The following ATRN variants were observed in gnomAD, a reference collection of about 807,000 sequenced individuals.
ATRN encodes the protein attractin, also known as attractin-2.
Under a neutral mutation model 178.7 loss-of-function variants are expected in ATRN, and 54 were observed. That is an observed-to-expected ratio of 0.30 (90% CI 0.24 to 0.38). ATRN has a LOEUF of 0.38. ATRN is among the 10% of genes least tolerant of loss of function. ATRN has a pLI of 1.00. For missense variants in ATRN, 1,443 were observed against 1,815.1 expected (o/e 0.79, Z 3.73); for synonymous variants, 636 against 663.0 (o/e 0.96, Z 0.63).
Position 3,497,921 on chromosome 20 carries a change from A to G in ATRN, c.410+26404A>G, listed in dbSNP as rs147823119. Among the ~76,000 whole-genome samples, 384 of 152,216 alleles carry G rather than the reference A, an allele frequency of 2.5e-3. 1 individual carries two copies. Among genetic ancestry groups the G allele is most frequent in the Middle Eastern group, 0.01 (3 of 294 alleles). On this transcript the variant is annotated intron_variant, in intron 1 of 28. Coordinates refer to ENST00000262919, the MANE Select transcript of ATRN (RefSeq NM_139321.3). ...CTTCATTTCATTCATTTCATCAACAAAATTGATAAACTGCTAGCAAGACTA... is the reference window on the plus strand; with the variant it reads ...CTTCATTTCATTCATTTCATCAACAGAATTGATAAACTGCTAGCAAGACTA...
chr20:3,619,623 A>G (rs1174722148), intron 24 of ATRN, among the ~76,000 whole-genome samples: 3 of 152,254 alleles, frequency 2.0e-5, no homozygotes, highest in East Asian at 3.8e-4. Context: ...GTTATGTGGT[A>G]GTGGAATATA....
chr20:3,537,080 T>A (rs1412584051), intron 2 of ATRN, among the ~76,000 whole-genome samples: 1 of 152,346 alleles, frequency 6.6e-6, no homozygotes, highest in African/African-American at 2.4e-5. Context: ...ATTATGCAGA[T>A]CTTCCATATG....
At position 3,478,649 on chromosome 20, in the gene ATRN, C is replaced by T. The variant is rs548929583; in HGVS notation, c.410+7132C>T. 4.6e-5 allele frequency among the ~76,000 whole-genome samples: 7 copies of T among 152,232 alleles called. No homozygotes were observed. The South Asian group carries it at 1.0e-3, about 23-fold the overall frequency. ...TGTATGTCTGTGTAACAAATCTGCA[C>T]GTTCTGCACATATATCCCAGAACTT... On this transcript the variant is annotated intron_variant, in intron 1 of 28. Transcript: ENST00000262919.
Position 3,591,322 on chromosome 20 carries a change from C to A in ATRN, c.3322+16C>A. 1 of 1,611,020 alleles carries A rather than the reference C, an allele frequency of 6.2e-7. No homozygotes were observed. Among genetic ancestry groups the A allele is most frequent in the South Asian group, 1.1e-5 (1 of 90,642 alleles). On this transcript the variant is annotated intron_variant, in intron 19 of 28. Coordinates refer to ENST00000262919, the MANE Select transcript of ATRN (RefSeq NM_139321.3). ...AAATGTCAGCGTAAGTCAAATTGGT[C>A]AGGTTTACTCATGGCAAATCGGTGT...
intron 6 of ATRN, among the ~76,000 whole-genome samples, chr20:3,554,402 C>T (rs966173295): frequency 6.6e-6 from 1 of 151,702 alleles, no homozygotes; most frequent in South Asian, 2.1e-4. Flanking sequence ...GTGGCACAGT[C>T]TCGGCTCACT....
intron 25 of ATRN, among the ~76,000 whole-genome samples, chr20:3,633,226 C>G (rs375870589): frequency 4.6e-5 from 7 of 152,312 alleles, no homozygotes; most frequent in African/African-American, 1.7e-4. Flanking sequence ...AGTGACGATC[C>G]TGGGGGGGTT....
At chr20:3,519,660 A>G (rs151570) in intron 1 of ATRN, among the ~76,000 whole-genome samples, 25,877 of 152,200 alleles carry the variant, frequency 0.17, 2,553 homozygotes, top group Non-Finnish European at 0.22. Context: ...TGATGGGTGC[A>G]CTAAAATCTC....
At chr20:3,603,942 G>A (rs1018629314) in intron 23 of ATRN, among the ~76,000 whole-genome samples, 163 bp from the exon 24 acceptor site, 3 of 152,090 alleles carry the variant, frequency 2.0e-5, no homozygotes, top group Non-Finnish European at 4.4e-5. Flanking sequence ...TAATAATAGG[G>A]CAGCTGTGAG....
intron 24 of ATRN, among the ~76,000 whole-genome samples, chr20:3,609,825 A>C (rs1042307261): frequency 2.6e-5 from 4 of 152,152 alleles, no homozygotes; most frequent in Non-Finnish European, 5.9e-5. Context: ...TGAACCTTGA[A>C]AACATGCTAA....
intron 15 of ATRN, among the ~76,000 whole-genome samples, chr20:3,581,382 G>A (rs975874507): frequency 6.6e-6 from 1 of 152,100 alleles, no homozygotes; most frequent in Non-Finnish European, 1.5e-5. Context: ...GCAATGAGAA[G>A]GAAATTTCAG....
rs1173635604 is a variant in ATRN, at chr20:3,547,523, A to G, written c.943+34A>G. On this transcript the variant is annotated intron_variant, in intron 5 of 28. Coordinates refer to ENST00000262919, the MANE Select transcript of ATRN (RefSeq NM_139321.3). ...TTCTTTCATTTTTATTTTTTCTTCC[A>G]TTTATAGAACATTCCCACTAAATAA... The G allele has an allele frequency of 4.6e-6, 7 of 1,514,786 alleles. No individual in the cohort carries two copies. The South Asian group carries it at 4.6e-5, about 10-fold the overall frequency. The allele number at this position is 1,514,786 out of a possible 1,614,324, so 93.8% of individuals were successfully genotyped here. A position where few individuals can be genotyped will look rare whatever the true frequency, so the allele number is the denominator to read the frequency against.
chr20:3,493,042 A>T (rs1174041020), intron 1 of ATRN, among the ~76,000 whole-genome samples: 1 of 146,782 alleles, frequency 6.8e-6, no homozygotes, highest in Non-Finnish European at 1.5e-5. Flanking sequence ...TATAAAATAT[A>T]TAATTATATA....
chr20:3,637,583 A>G (rs899229169), intron 26 of ATRN, among the ~76,000 whole-genome samples: 1 of 152,218 alleles, frequency 6.6e-6, no homozygotes, highest in African/African-American at 2.4e-5. Context: ...AGTAAGGCCT[A>G]CTTGTATCCC....
intron 6 of ATRN, among the ~76,000 whole-genome samples, chr20:3,552,241 T>A (rs1351691271): frequency 2.0e-5 from 3 of 152,228 alleles, no homozygotes; most frequent in Non-Finnish European, 4.4e-5. Flanking sequence ...ACTCTTTTGG[T>A]GACCTCATAT....
chr20:3,497,316 T>G (rs2084894343), intron 1 of ATRN, among the ~76,000 whole-genome samples: 1 of 151,996 alleles, frequency 6.6e-6, no homozygotes, highest in Admixed American at 6.6e-5. Flanking sequence ...TTCCTTTCCA[T>G]GTTTAGCACT....
rs1262110165 is a variant in ATRN at position 3,632,202 on chromosome 20, A to C, written c.3864-2109A>C. Among the ~76,000 whole-genome samples, 1 of 152,048 alleles carries C rather than the reference A, an allele frequency of 6.6e-6. No homozygotes were observed. The highest frequency in any genetic ancestry group is 1.5e-5 in the Non-Finnish European group (1 of 68,002). On this transcript the variant is annotated intron_variant, in intron 25 of 28. Coordinates refer to ENST00000262919, the MANE Select transcript of ATRN (RefSeq NM_139321.3). The surrounding 1 kb of genome is among the most constrained non-coding windows in gnomAD (Gnocchi z 4.2). ...GTCCAGATTCCAAAGTGCTTTTCAC[A>C]CCTCTGCTTCCACAGCTCTGGTTTG...
chr20:3,478,918 A>ACCCTTTTT (rs2084574635), intron 1 of ATRN, among the ~76,000 whole-genome samples: 1 of 127,038 alleles, frequency 7.9e-6, no homozygotes, highest in Non-Finnish European at 1.7e-5. Context: ...TATAATTCAT[A>ACCCTTTTT]CCCTTTTTTT....
chr20:3,610,919 C>T (rs1222466869), intron 24 of ATRN, among the ~76,000 whole-genome samples: 2 of 151,602 alleles, frequency 1.3e-5, no homozygotes, highest in Non-Finnish European at 2.9e-5. Flanking sequence ...TGACAAAGGC[C>T]CTGCAAAGGC....
At chr20:3,612,555 G>A (rs1037903003) in intron 24 of ATRN, among the ~76,000 whole-genome samples, 29 of 152,218 alleles carry the variant, frequency 1.9e-4, no homozygotes, top group African/African-American at 7.0e-4. Context: ...AGCTTGCAGG[G>A]GTTTCGGTAG....
Sources: gnomAD v4.1 joint callset for allele counts (sites outside exome capture counted in the v4.1 genomes callset) on GRCh38, gnomAD v4.1.1 for gene constraint, Gnocchi (gnomAD v3.1) non-coding constraint, MANE v1.5 for transcripts, NCBI Gene and HGNC (gene_info 2026-07-23, HGNC 2026-07-21) for gene names.